Variants in PASD1 observed in about 807,000 individuals in gnomAD.
The protein encoded by PASD1 is PAS domain containing repressor 1.
PASD1 carries 13 observed loss-of-function variants against 58.8 expected under a neutral mutation model. That is an observed-to-expected ratio of 0.22 (90% CI 0.14 to 0.35). The LOEUF is 0.35. Ranked by LOEUF, PASD1 falls within the 10% of genes least tolerant of loss-of-function variation. PASD1 has a pLI of 1.00. For missense variants in PASD1, 734 were observed against 568.3 expected (o/e 1.29, Z -2.96); for synonymous variants, 236 against 216.7 (o/e 1.09, Z -0.78).
At chrX:151,605,627 C>G (rs936777765) in intron 3 of PASD1, among the ~76,000 whole-genome samples, 2 of 111,411 alleles carry the variant, frequency 1.8e-5, no homozygotes, top group Non-Finnish European at 3.8e-5. Flanking sequence ...GACACAGGGT[C>G]TCACTGTGTC....
At chrX:151,567,574 T>G (rs1569395892) in intron 1 of PASD1, among the ~76,000 whole-genome samples, 2 of 111,867 alleles carry the variant, frequency 1.8e-5, no homozygotes, top group South Asian at 7.4e-4. Flanking sequence ...AGCTGCTGTC[T>G]CTAGTCATGC....
chrX:151,674,910 G>A (rs1230941756), intron 15 of PASD1, among the ~76,000 whole-genome samples: 2 of 111,285 alleles, frequency 1.8e-5, no homozygotes, highest in Non-Finnish European at 3.8e-5. Context: ...AAATACTTGA[G>A]GCAAGCAAAT....
Position 151,659,821 on chromosome X carries a change from A to G in PASD1, c.826A>G (p.Met276Val), listed in dbSNP as rs988800990. 8.3e-7 allele frequency: 1 copy of G among 1,206,324 alleles called. No homozygotes were observed. Among genetic ancestry groups the G allele is most frequent in the African/African-American group, 1.7e-5 (1 of 57,732 alleles). ...CTCCAGTACAGTTTTCCTGGATACTATGCCTGAATCTCCAGGTAGGTACAT... is the reference window on the plus strand; with the variant it reads ...CTCCAGTACAGTTTTCCTGGATACTGTGCCTGAATCTCCAGGTAGGTACAT... The part of the protein sequence containing the change: ...YCSSTVFLDT[M>V]PESPALSLQD... The change falls in exon 10 of 16, where the codon ATG becomes GTG. Residue 276 changes from methionine (M) to valine (V), a missense_variant. Physicochemically the swap from Met to Val is conservative, Grantham distance 21. Coordinates refer to ENST00000370357, the MANE Select transcript of PASD1 (RefSeq NM_173493.3).
chrX:151,620,861 A>AC, intron 4 of PASD1, 69 bp from the exon 5 acceptor site: 1 of 554,800 alleles, frequency 1.8e-6, no homozygotes, highest in Non-Finnish European at 2.8e-6. Flanking sequence ...ATTAACACAG[A>AC]TAAAAAAGTT....
chrX:151,565,780 G>A (rs1032886927), intron 1 of PASD1, among the ~76,000 whole-genome samples: 5 of 110,957 alleles, frequency 4.5e-5, no homozygotes, highest in Non-Finnish European at 9.4e-5. Context: ...GGATGGTCTC[G>A]ATCTCCTGAC....
chrX:151,632,033 T>C (rs1390016056), intron 8 of PASD1, among the ~76,000 whole-genome samples: 1 of 111,080 alleles, frequency 9.0e-6, no homozygotes, highest in Non-Finnish European at 1.9e-5. Context: ...AAAGTCCTTA[T>C]CTTCGTGGTC....
intron 11 of PASD1, among the ~76,000 whole-genome samples, chrX:151,665,576 G>A (rs1344462450): frequency 9.0e-6 from 1 of 111,390 alleles, no homozygotes; most frequent in Non-Finnish European, 1.9e-5. Context: ...AGAATGGGAA[G>A]GGACAGGACA....
At chrX:151,607,693 C>T (rs1034062098) in intron 3 of PASD1, among the ~76,000 whole-genome samples, 1 of 111,924 alleles carries the variant, frequency 8.9e-6, no homozygotes, top group Admixed American at 9.5e-5. Context: ...TCAAAAGTCA[C>T]ACCCAGGATG....
intron 4 of PASD1, among the ~76,000 whole-genome samples, chrX:151,617,668 T>C (rs922151674): frequency 8.9e-6 from 1 of 112,118 alleles, no homozygotes; most frequent in Non-Finnish European, 1.9e-5. Flanking sequence ...TCATGTAGAA[T>C]GTCCAAAATA....
chrX:151,586,695 C>A (rs2013171013), intron 1 of PASD1, among the ~76,000 whole-genome samples: 1 of 111,998 alleles, frequency 8.9e-6, no homozygotes, highest in African/African-American at 3.2e-5. Flanking sequence ...AACTTAAGTG[C>A]TTCTCAAAGG....
chrX:151,579,502 G>A (rs965472344), intron 1 of PASD1, among the ~76,000 whole-genome samples: 4 of 112,251 alleles, frequency 3.6e-5, no homozygotes, highest in Non-Finnish European at 7.5e-5. Flanking sequence ...AGGAATAACT[G>A]TAGGAAGCTT....
intron 1 of PASD1, among the ~76,000 whole-genome samples, chrX:151,577,748 G>C (rs1195749832): frequency 9.0e-6 from 1 of 111,126 alleles, no homozygotes; most frequent in Admixed American, 9.6e-5. Context: ...GGATGGTCTC[G>C]ATCTCCTGAC....
intron 6 of PASD1, 33 bp from the exon 7 acceptor site, chrX:151,622,904 T>C: frequency 1.7e-6 from 2 of 1,185,725 alleles, no homozygotes; most frequent in Non-Finnish European, 2.3e-6. Context: ...TGGTCCACCT[T>C]TCTGTTTTCA....
chrX:151,594,987 T>C (rs147020969), intron 1 of PASD1, among the ~76,000 whole-genome samples: 1 of 112,071 alleles, frequency 8.9e-6, no homozygotes, highest in African/African-American at 3.2e-5. Context: ...GTTTGAGTTG[T>C]TCTGATGGGA....
intron 11 of PASD1, among the ~76,000 whole-genome samples, chrX:151,668,065 G>A (rs1432393013): frequency 6.3e-5 from 7 of 111,015 alleles, no homozygotes; most frequent in South Asian, 7.8e-4. Context: ...GGTGAGAGAC[G>A]GCATCCCTGT....
At chrX:151,576,253 G>A (rs2013004777) in intron 1 of PASD1, among the ~76,000 whole-genome samples, 1 of 111,159 alleles carries the variant, frequency 9.0e-6, no homozygotes, top group African/African-American at 3.3e-5. Flanking sequence ...CGATCCTCCT[G>A]CCTCACCCTC....
chrX:151,668,044 T>C (rs1350677072), intron 11 of PASD1, among the ~76,000 whole-genome samples: 1 of 111,305 alleles, frequency 9.0e-6, no homozygotes, highest in Non-Finnish European at 1.9e-5. Flanking sequence ...AACACTATGT[T>C]GAATAGGAGT....
At chrX:151,607,847 G>C (rs2013507075) in intron 3 of PASD1, among the ~76,000 whole-genome samples, 1 of 111,955 alleles carries the variant, frequency 8.9e-6, no homozygotes, top group Admixed American at 9.5e-5. Context: ...TGCTGGCGGA[G>C]TTAGGAGACT....
At chrX:151,608,146 A>G (rs4593699) in intron 3 of PASD1, among the ~76,000 whole-genome samples, 42,561 of 110,326 alleles carry the variant, frequency 0.39, 6,188 homozygotes, top group African/African-American at 0.45. Context: ...TTCACTGTGT[A>G]TTTCACTGTT....
Sources: allele counts gnomAD v4.1 joint callset (sites outside exome capture counted in the v4.1 genomes callset), GRCh38; gene constraint gnomAD v4.1.1; transcripts MANE v1.5; gene names NCBI Gene and HGNC (gene_info 2026-07-23, HGNC 2026-07-21).